The following MECOM variants were observed in gnomAD, a reference collection of about 807,000 sequenced individuals.
MECOM encodes MDS1 and EVI1 complex locus, also known as histone-lysine N-methyltransferase MECOM.
Under a neutral mutation model 116.3 loss-of-function variants are expected in MECOM, and 13 were observed. The ratio of observed to expected loss-of-function variants is 0.11; its 90% CI spans 0.07 to 0.18. The LOEUF (loss-of-function observed/expected upper bound fraction) is 0.18. MECOM is among the 10% of genes least tolerant of loss of function. MECOM has a pLI of 1.00. For synonymous variants in MECOM, 528 were observed against 535.2 expected (o/e 0.99, Z 0.19); for missense variants, 1,299 against 1,509.0 (o/e 0.86, Z 2.31).
At chr3:169,571,487 A>G (rs1576934252) in intron 1 of MECOM, among the ~76,000 whole-genome samples, 1 of 152,188 alleles carries the variant, frequency 6.6e-6, no homozygotes, top group African/African-American at 2.4e-5. Context: ...ATAAGAAAAA[A>G]CTACTTTAAA....
chr3:169,323,845 G>A (rs1721335682), intron 2 of MECOM, among the ~76,000 whole-genome samples: 1 of 152,138 alleles, frequency 6.6e-6, no homozygotes, highest in Non-Finnish European at 1.5e-5. Context: ...AAAGTGCTTG[G>A]GTTTGACAGT....
At chr3:169,616,279 G>A (rs569308415) in intron 1 of MECOM, among the ~76,000 whole-genome samples, 62 of 152,298 alleles carry the variant, frequency 4.1e-4, no homozygotes, top group Admixed American at 1.3e-3. Context: ...CGAAGTTTGG[G>A]GAAGAAAAGA....
intron 2 of MECOM, among the ~76,000 whole-genome samples, chr3:169,319,879 G>C (rs1268634661): frequency 1.3e-5 from 2 of 152,226 alleles, no homozygotes; most frequent in Non-Finnish European, 2.9e-5. Flanking sequence ...TGGTTAACAA[G>C]ATGAGAGTCA....
intron 2 of MECOM, among the ~76,000 whole-genome samples, chr3:169,215,019 A>G (rs1344061722): frequency 6.6e-6 from 1 of 150,694 alleles, no homozygotes; most frequent in Non-Finnish European, 1.5e-5. Flanking sequence ...GGCTTTTCTT[A>G]TAGGGCTTTG....
At chr3:169,500,653 A>G (rs1035173840) in intron 1 of MECOM, among the ~76,000 whole-genome samples, 1 of 151,948 alleles carries the variant, frequency 6.6e-6, no homozygotes, top group African/African-American at 2.4e-5. Context: ...AACATTTTCC[A>G]CATGAACCCA....
At chr3:169,433,852 T>C (rs569975920) in intron 1 of MECOM, among the ~76,000 whole-genome samples, 47 of 152,262 alleles carry the variant, frequency 3.1e-4, no homozygotes, top group Middle Eastern at 3.4e-3. Flanking sequence ...TTTCAAATGT[T>C]TGAACGCAGG....
intron 2 of MECOM, among the ~76,000 whole-genome samples, chr3:169,198,617 G>A (rs755749891): frequency 6.6e-6 from 1 of 151,446 alleles, no homozygotes; most frequent in Non-Finnish European, 1.5e-5. Context: ...TTTTTCCTTC[G>A]CATACCTTAC....
chr3:169,322,168 G>A (rs1164485361), intron 2 of MECOM, among the ~76,000 whole-genome samples: 2 of 152,160 alleles, frequency 1.3e-5, no homozygotes, highest in African/African-American at 4.8e-5. Flanking sequence ...AAAATTAACT[G>A]AATCTCGTGT....
intron 2 of MECOM, among the ~76,000 whole-genome samples, chr3:169,207,577 T>G (rs561941498): frequency 2.0e-3 from 299 of 152,298 alleles, no homozygotes; most frequent in Non-Finnish European, 3.2e-3. Context: ...CTGAAAAAAC[T>G]ACATATAAGT....
At chr3:169,539,926 T>C (rs1480998127) in intron 1 of MECOM, among the ~76,000 whole-genome samples, 1 of 152,058 alleles carries the variant, frequency 6.6e-6, no homozygotes, top group Non-Finnish European at 1.5e-5. Flanking sequence ...GCTACAAGAG[T>C]GTAAAAAGAA....
intron 1 of MECOM, among the ~76,000 whole-genome samples, chr3:169,516,911 A>T (rs1756699010): frequency 6.6e-6 from 1 of 152,218 alleles, no homozygotes; most frequent in Admixed American, 6.5e-5. Context: ...CAACGACAAT[A>T]AATATTGCAA....
chr3:169,624,767 G>C (rs1417948004), intron 1 of MECOM, among the ~76,000 whole-genome samples: 3 of 152,118 alleles, frequency 2.0e-5, no homozygotes. Flanking sequence ...ACCAAACATG[G>C]ACCCTCCCTC....
chr3:169,287,366 T>C (rs1209108786), intron 2 of MECOM, among the ~76,000 whole-genome samples: 3 of 143,116 alleles, frequency 2.1e-5, no homozygotes, highest in Admixed American at 6.6e-5. Context: ...CAACAAATAA[T>C]GTTTTTTTTG....
intron 2 of MECOM, among the ~76,000 whole-genome samples, chr3:169,347,026 A>G (rs1291328567): frequency 6.6e-6 from 1 of 152,140 alleles, no homozygotes; most frequent in Admixed American, 6.6e-5. Flanking sequence ...ATTCTATACA[A>G]TAATTGATAA....
chr3:169,098,610 T>G (rs1170953203), intron 12 of MECOM, among the ~76,000 whole-genome samples: 1 of 152,238 alleles, frequency 6.6e-6, no homozygotes, highest in African/African-American at 2.4e-5. Flanking sequence ...CTCTTTCTAA[T>G]TAACAAATAT....
chr3:169,269,186 C>T (rs916228227), intron 2 of MECOM: 1 of 151,812 alleles, frequency 6.6e-6, no homozygotes, highest in African/African-American at 2.4e-5. Context: ...TATGTTGCTG[C>T]TCTCCTTTTC....
chr3:169,382,879 A>AAAAAAAG (rs1358767356), intron 1 of MECOM, among the ~76,000 whole-genome samples: 1 of 138,516 alleles, frequency 7.2e-6, no homozygotes, highest in Non-Finnish European at 1.6e-5. Flanking sequence ...AAAAATAAAA[A>AAAAAAAG]AAGAAGGTAA....
At chr3:169,294,168 T>C (rs2149701452) in intron 2 of MECOM, among the ~76,000 whole-genome samples, 1 of 152,182 alleles carries the variant, frequency 6.6e-6, no homozygotes, top group East Asian at 1.9e-4. Flanking sequence ...TTTTTTAAGT[T>C]GTTGTATTTC....
At chr3:169,174,894 T>C (rs2149380654) in intron 2 of MECOM, among the ~76,000 whole-genome samples, 1 of 152,300 alleles carries the variant, frequency 6.6e-6, no homozygotes, top group Non-Finnish European at 1.5e-5. Flanking sequence ...ACTTTATTCA[T>C]GAAAAGCAGA....
Sources: gnomAD v4.1 joint callset for allele counts (sites outside exome capture counted in the v4.1 genomes callset) on GRCh38, gnomAD v4.1.1 for gene constraint, MANE v1.5 for transcripts, NCBI Gene and HGNC (gene_info 2026-07-23, HGNC 2026-07-21) for gene names.